The following KHDRBS2 variants were observed in gnomAD, a reference collection of about 807,000 sequenced individuals.
KHDRBS2 encodes KH RNA binding domain containing, signal transduction associated 2, also known as KH domain-containing, RNA-binding, signal transduction-associated protein 2.
In KHDRBS2, 26 loss-of-function variants were observed where a neutral mutation model predicts 44.3. That is an observed-to-expected ratio of 0.59 (90% CI 0.43 to 0.81). KHDRBS2 has a LOEUF of 0.81. Ranked by LOEUF, KHDRBS2 falls within the 40% of genes least tolerant of loss-of-function variation. KHDRBS2 has a pLI of 0.00. For missense variants in KHDRBS2, 476 were observed against 433.1 expected, an observed-to-expected ratio of 1.10 and a Z score of -0.88; for synonymous variants, 194 against 151.1, an observed-to-expected ratio of 1.28 and a Z score of -2.08.
At chr6:61,567,824 G>A in the KHDRBS2 span, among the ~76,000 whole-genome samples, 3,713 of 151,214 alleles carry the variant, frequency 0.025, 70 homozygotes, top group Middle Eastern at 0.085. Flanking sequence ...ATGAAACCAA[G>A]CCTTAGTACA....
chr6:61,708,349 G>A (rs1478837862), intron 7 of KHDRBS2, among the ~76,000 whole-genome samples: 1 of 151,374 alleles, frequency 6.6e-6, no homozygotes, highest in Non-Finnish European at 1.5e-5. Flanking sequence ...ATCATTTTGT[G>A]TACTAAAAAA....
chr6:61,955,529 CAT>C (rs1470266545), intron 4 of KHDRBS2, among the ~76,000 whole-genome samples: 2 of 30,334 alleles, frequency 6.6e-5, no homozygotes, highest in African/African-American at 1.8e-4. Flanking sequence ...TGTATGTATA[CAT>C]GTGTATATAT....
the KHDRBS2 span, among the ~76,000 whole-genome samples, chr6:61,587,864 T>C: frequency 6.6e-6 from 1 of 151,726 alleles, no homozygotes; most frequent in Non-Finnish European, 1.5e-5. Flanking sequence ...TTCCAGAGAT[T>C]GATGTTACTA....
intron 3 of KHDRBS2, among the ~76,000 whole-genome samples, chr6:62,044,530 A>T (rs922243160): frequency 2.6e-5 from 4 of 151,976 alleles, no homozygotes; most frequent in Non-Finnish European, 5.9e-5. Flanking sequence ...AAGAAAAAAG[A>T]CATACATTTT....
In KHDRBS2 at chr6:61,893,226, A is replaced by G. The variant is rs1225165770; in HGVS notation, c.810+1409T>C. Reference sequence around the variant, plus strand: ...ACCATCTCACACCAGTTAGAATGGCAATCATTAAAAAGTCAGGAAACAACA... The same window carrying G: ...ACCATCTCACACCAGTTAGAATGGCGATCATTAAAAAGTCAGGAAACAACA... On this transcript the variant is annotated intron_variant, in intron 6 of 8. Coordinates refer to ENST00000281156, the MANE Select transcript of KHDRBS2 (RefSeq NM_152688.4). 4.6e-5 allele frequency among the ~76,000 whole-genome samples: 7 copies of G among 152,296 alleles called. 1 individual carries two copies. Among genetic ancestry groups the G allele is most frequent in the Admixed American group, 2.6e-4 (4 of 15,306 alleles).
intron 5 of KHDRBS2, among the ~76,000 whole-genome samples, chr6:61,895,565 T>C (rs190706161): frequency 1.4e-3 from 209 of 152,340 alleles, no homozygotes; most frequent in Middle Eastern, 6.8e-3. Flanking sequence ...GAATACTCTG[T>C]ATTGCAGTTC....
chr6:61,603,731 A>G, the KHDRBS2 span, among the ~76,000 whole-genome samples: 1 of 152,014 alleles, frequency 6.6e-6, no homozygotes, highest in Non-Finnish European at 1.5e-5. Flanking sequence ...TCTGCTCCCC[A>G]GCTCCTTCAG....
At chr6:61,945,371 G>A (rs1346800780) in intron 4 of KHDRBS2, among the ~76,000 whole-genome samples, 1 of 150,800 alleles carries the variant, frequency 6.6e-6, no homozygotes, top group African/African-American at 2.4e-5. Flanking sequence ...AATATTTATT[G>A]TACTAAACAT....
intron 3 of KHDRBS2, among the ~76,000 whole-genome samples, chr6:61,979,516 C>A (rs1358811355): frequency 6.6e-6 from 1 of 152,020 alleles, no homozygotes; most frequent in African/African-American, 2.4e-5. Flanking sequence ...ATTAGAAATG[C>A]TCATTGTTTT....
In KHDRBS2 at chr6:61,882,501, C is replaced by T. The variant is rs572774656; in HGVS notation, c.810+12134G>A. The stretch of plus-strand genomic sequence containing the variant: ...AGAAATATGAGGCAGAAGGAATAAA[C>T]GAGGGTCCTTTCTGTGTCCTTCCTC... On this transcript the variant is annotated intron_variant, in intron 6 of 8. Transcript: ENST00000281156. 1.6e-4 allele frequency among the ~76,000 whole-genome samples: 24 copies of T among 152,042 alleles called. No individual in the cohort carries two copies. In the East Asian group the frequency reaches 3.3e-3, roughly 21 times the overall value.
chr6:61,858,834 C>T (rs1208798227), intron 6 of KHDRBS2, among the ~76,000 whole-genome samples: 2 of 151,780 alleles, frequency 1.3e-5, no homozygotes, highest in East Asian at 1.9e-4. Context: ...ACATAACAGT[C>T]GTATATTGGC....
At chr6:61,633,086 C>T in the KHDRBS2 span, among the ~76,000 whole-genome samples, 3 of 152,036 alleles carry the variant, frequency 2.0e-5, no homozygotes, top group African/African-American at 7.2e-5. Flanking sequence ...AAGTGTGACC[C>T]ATTTACAGAA....
At chr6:61,990,393 TAAC>T (rs1372471410) in intron 3 of KHDRBS2, among the ~76,000 whole-genome samples, 1 of 152,096 alleles carries the variant, frequency 6.6e-6, no homozygotes, top group Non-Finnish European at 1.5e-5. Flanking sequence ...AGATAAGAAA[TAAC>T]AAAAATGAAT....
intron 1 of KHDRBS2, among the ~76,000 whole-genome samples, chr6:62,267,090 A>T (rs1330748497): frequency 1.3e-5 from 2 of 151,974 alleles, no homozygotes; most frequent in East Asian, 3.9e-4. Flanking sequence ...TTATCCTATG[A>T]CCAGTCCTGT....
At chr6:61,615,354 T>C in the KHDRBS2 span, among the ~76,000 whole-genome samples, 1 of 152,078 alleles carries the variant, frequency 6.6e-6, no homozygotes, top group African/African-American at 2.4e-5. Context: ...TAAATAAATA[T>C]TATTATTTGG....
intron 1 of KHDRBS2, among the ~76,000 whole-genome samples, chr6:62,260,467 G>C (rs1050185425): frequency 6.6e-6 from 1 of 151,910 alleles, no homozygotes; most frequent in African/African-American, 2.4e-5. Context: ...GCCACCCATG[G>C]ATTTAACAAT....
rs189560756 is a variant in KHDRBS2 at position 61,954,276 on chromosome 6, T to A, written c.483+23790A>T. ...CTCTGTGTGTATGCCTGCATAGAAA[T>A]GTGCGTGTGTCTACATATACACATA... On this transcript the variant is annotated intron_variant, in intron 4 of 8. Coordinates refer to ENST00000281156, the MANE Select transcript of KHDRBS2 (RefSeq NM_152688.4). Among the ~76,000 whole-genome samples, 242 of 151,140 alleles carry A rather than the reference T, an allele frequency of 1.6e-3. 3 individuals carry two copies. Among genetic ancestry groups the A allele is most frequent in the Non-Finnish European group, 2.5e-3 (172 of 67,552 alleles).
At chr6:62,164,959 A>G (rs1450265545) in intron 2 of KHDRBS2, among the ~76,000 whole-genome samples, 2 of 151,936 alleles carry the variant, frequency 1.3e-5, no homozygotes, top group African/African-American at 4.8e-5. Context: ...CATGTGTGAT[A>G]GGAACATTAG....
rs1198134650 is a variant in KHDRBS2, at chr6:62,061,525, G to A, written c.220-13531C>T. On this transcript the variant is annotated intron_variant, in intron 2 of 8. Coordinates refer to ENST00000281156, the MANE Select transcript of KHDRBS2 (RefSeq NM_152688.4). Reference sequence around the variant, plus strand: ...CCCCCACTCTCTTCTGGCTTGTAGGGTTTCTGCCAAGAGATCCGCTGTTAG... The same window carrying A: ...CCCCCACTCTCTTCTGGCTTGTAGGATTTCTGCCAAGAGATCCGCTGTTAG... Among the ~76,000 whole-genome samples the A allele has an allele frequency of 5.4e-5, 8 of 148,364 alleles. No individual in the cohort carries two copies. In the South Asian group the frequency reaches 1.3e-3, roughly 24 times the overall value.
Sources: gnomAD v4.1 joint callset for allele counts (sites outside exome capture counted in the v4.1 genomes callset) on GRCh38, gnomAD v4.1.1 for gene constraint, MANE v1.5 for transcripts, NCBI Gene and HGNC (gene_info 2026-07-23, HGNC 2026-07-21) for gene names.